The following TAX1BP1 variants were observed in gnomAD, a reference collection of about 807,000 sequenced individuals.
TAX1BP1 encodes tax1-binding protein 1.
Under a neutral mutation model 97.7 loss-of-function variants are expected in TAX1BP1, and 62 were observed. The observed-to-expected ratio is 0.63, with a 90% CI of 0.52 to 0.78. The LOEUF is 0.78. Ranked by LOEUF, TAX1BP1 falls within the 30% of genes least tolerant of loss-of-function variation. The pLI, the probability that TAX1BP1 is intolerant of heterozygous loss-of-function variation, is 0.00. For synonymous variants in TAX1BP1, 340 were observed against 304.2 expected, an observed-to-expected ratio of 1.12 and a Z score of -1.23; for missense variants, 867 against 916.1, an observed-to-expected ratio of 0.95 and a Z score of 0.69.
intron 5 of TAX1BP1, among the ~76,000 whole-genome samples, chr7:27,777,326 C>A (rs1789070868): frequency 6.6e-6 from 1 of 151,998 alleles, no homozygotes; most frequent in South Asian, 2.1e-4. Flanking sequence ...TTTTTTTGAG[C>A]CTTGTTTTCA....
At chr7:27,815,068 T>G (rs73075331) in intron 13 of TAX1BP1, among the ~76,000 whole-genome samples, 11,804 of 152,204 alleles carry the variant, frequency 0.078, 659 homozygotes, top group Middle Eastern at 0.12. Context: ...TTTTTGGGAT[T>G]TTTTACATTT....
At chr7:27,769,578 G>C (rs1396136945) in intron 4 of TAX1BP1, 98 bp from the exon 5 acceptor site, 1 of 988,874 alleles carries the variant, frequency 1.0e-6, no homozygotes, top group Non-Finnish European at 1.5e-6. Flanking sequence ...TTCTGTGAAT[G>C]TCTTCATTAT....
chr7:27,825,121 A>G (rs913715269), intron 15 of TAX1BP1, among the ~76,000 whole-genome samples: 1 of 152,106 alleles, frequency 6.6e-6, no homozygotes, highest in Non-Finnish European at 1.5e-5. Flanking sequence ...TCAGTGTTAC[A>G]TGGTGTCATA....
intron 1 of TAX1BP1, among the ~76,000 whole-genome samples, chr7:27,746,319 G>C (rs1787813867): frequency 6.7e-6 from 1 of 149,034 alleles, no homozygotes; most frequent in Non-Finnish European, 1.5e-5. Flanking sequence ...AATAGATGTT[G>C]GTTCTGTTGA....
intron 3 of TAX1BP1, among the ~76,000 whole-genome samples, chr7:27,765,273 G>A (rs1035916027): frequency 2.0e-5 from 3 of 151,682 alleles, no homozygotes; most frequent in Admixed American, 6.6e-5. Context: ...GCCCACCTTG[G>A]CCTTCCAAAG....
intron 1 of TAX1BP1, among the ~76,000 whole-genome samples, chr7:27,744,051 C>T (rs1219428629): frequency 5.9e-5 from 1 of 16,812 alleles, no homozygotes; most frequent in Admixed American, 5.3e-4. Context: ...ATGATCCACC[C>T]GCCTCGGCCT....
intron 13 of TAX1BP1, among the ~76,000 whole-genome samples, chr7:27,815,410 A>G (rs1021718015): frequency 6.6e-6 from 1 of 152,056 alleles, no homozygotes; most frequent in Non-Finnish European, 1.5e-5. Flanking sequence ...TTTCCCCTTT[A>G]TTAAAAGGTA....
chr7:27,828,555 C>T (rs986289915), intron 16 of TAX1BP1, 73 bp from the exon 17 acceptor site: 1 of 1,420,340 alleles, frequency 7.0e-7, no homozygotes, highest in Non-Finnish European at 9.8e-7. Context: ...ATAAATGGAA[C>T]CTTGTCATAT....
intron 10 of TAX1BP1, 151 bp from the exon 11 acceptor site, chr7:27,794,172 G>A (rs1181882472): frequency 3.2e-6 from 2 of 624,932 alleles, no homozygotes; most frequent in Non-Finnish European, 5.1e-6. Flanking sequence ...TATAACTTTA[G>A]TCTTTGTTGG....
At chr7:27,765,009 GTTTTTTTTTTTTTT>G (rs1179797055) in intron 3 of TAX1BP1, among the ~76,000 whole-genome samples, 43 of 81,084 alleles carry the variant, frequency 5.3e-4, no homozygotes, top group African/African-American at 2.4e-3. Context: ...TCTCCTCTCT[GTTTTTTTTTTTTTT>G]TTTTTTTTTT....
chr7:27,765,952 G>A lies in TAX1BP1; in HGVS notation c.384G>A (p.Glu128=), dbSNP rs374194011. 9.3e-6 allele frequency: 15 copies of A among 1,614,064 alleles called. No individual in the cohort carries two copies. The highest frequency in any genetic ancestry group is 1.1e-5 in the Non-Finnish European group (13 of 1,180,044). Residue 128 remains glutamate (E), a synonymous_variant, in exon 4 of 17, where the codon GAG becomes GAA. Coordinates refer to ENST00000396319, the MANE Select transcript of TAX1BP1 (RefSeq NM_006024.7). ...FQFRASSPVE[E]LLTMEDEGNS... is the part of the protein sequence containing the mutation. ...TTCGAGCTTCTTCTCCAGTTGAAGAGCTGCTTACTATGGAAGATGAAGGAA... is the reference window on the plus strand; with the variant it reads ...TTCGAGCTTCTTCTCCAGTTGAAGAACTGCTTACTATGGAAGATGAAGGAA...
chr7:27,813,143 T>TG (rs973468243), intron 13 of TAX1BP1, among the ~76,000 whole-genome samples: 3 of 139,424 alleles, frequency 2.2e-5, no homozygotes, highest in African/African-American at 7.9e-5. Context: ...AACTTTGTTC[T>TG]GCTTTTTTTT....
chr7:27,820,306 C>T (rs952875931), intron 15 of TAX1BP1, among the ~76,000 whole-genome samples: 1 of 152,140 alleles, frequency 6.6e-6, no homozygotes, highest in African/African-American at 2.4e-5. Flanking sequence ...TCACTGTGAA[C>T]CCCTAAACTG....
At chr7:27,744,286 C>T (rs1225335157) in intron 1 of TAX1BP1, among the ~76,000 whole-genome samples, 1 of 152,078 alleles carries the variant, frequency 6.6e-6, no homozygotes, top group African/African-American at 2.4e-5. Flanking sequence ...CCACCTCGCC[C>T]GGCTAATTTT....
At chr7:27,779,291 A>G (rs1331596283) in intron 5 of TAX1BP1, among the ~76,000 whole-genome samples, 2 of 152,152 alleles carry the variant, frequency 1.3e-5, no homozygotes, top group Non-Finnish European at 2.9e-5. Flanking sequence ...TGCTTGGCTC[A>G]TATCTAGATT....
At chr7:27,825,648 C>A (rs546417294) in intron 15 of TAX1BP1, among the ~76,000 whole-genome samples, 2 of 152,274 alleles carry the variant, frequency 1.3e-5, no homozygotes, top group South Asian at 4.1e-4. Context: ...GTATAAATTA[C>A]TTCTACCTTT....
chr7:27,744,989 G>A (rs574453594), intron 1 of TAX1BP1, among the ~76,000 whole-genome samples: 69 of 152,330 alleles, frequency 4.5e-4, no homozygotes, highest in Non-Finnish European at 8.5e-4. Flanking sequence ...AGAGGGCACT[G>A]TAGCCAGCAT....
At chr7:27,780,031 A>G (rs10155851) in intron 5 of TAX1BP1, among the ~76,000 whole-genome samples, 116,538 of 152,160 alleles carry the variant, frequency 0.77, 45,518 homozygotes, top group African/African-American at 0.91. Context: ...GGAATACAGT[A>G]TAGTTGGGCA....
chr7:27,773,373 A>G (rs1419275710), intron 5 of TAX1BP1, among the ~76,000 whole-genome samples: 1 of 152,088 alleles, frequency 6.6e-6, no homozygotes, highest in African/African-American at 2.4e-5. Flanking sequence ...TCATGCAACC[A>G]TTACCATAGT....
Sources: allele counts gnomAD v4.1 joint callset (sites outside exome capture counted in the v4.1 genomes callset), GRCh38; gene constraint gnomAD v4.1.1; transcripts MANE v1.5; gene names NCBI Gene and HGNC (gene_info 2026-07-23, HGNC 2026-07-21).